The following L3MBTL4 variants were observed in gnomAD, a reference collection of about 807,000 sequenced individuals.
L3MBTL4 encodes lethal(3)malignant brain tumor-like protein 4.
In L3MBTL4, 70 loss-of-function variants were observed where a neutral mutation model predicts 84.5. The ratio of observed to expected loss-of-function variants is 0.83; its 90% CI spans 0.68 to 1.01. The LOEUF (loss-of-function observed/expected upper bound fraction) is 1.01, where lower values mean the gene tolerates loss of function less well. L3MBTL4 is among the 50% of genes least tolerant of loss of function. The pLI is 0.00. For synonymous variants in L3MBTL4, 274 were observed against 259.8 expected (o/e 1.05, Z -0.52); for missense variants, 715 against 754.8 (o/e 0.95, Z 0.62).
At chr18:6,077,092 C>T (rs2057878656) in intron 16 of L3MBTL4, among the ~76,000 whole-genome samples, 1 of 152,198 alleles carries the variant, frequency 6.6e-6, no homozygotes, top group Non-Finnish European at 1.5e-5. Context: ...ACTCAAAAGG[C>T]ACAGAGGCCC....
intron 5 of L3MBTL4, among the ~76,000 whole-genome samples, chr18:6,246,477 A>T (rs76608239): frequency 6.6e-6 from 1 of 152,216 alleles, no homozygotes; most frequent in Non-Finnish European, 1.5e-5. Flanking sequence ...AAATAATCAT[A>T]TACTAATGGA....
At chr18:6,251,312 G>A (rs903643258) in intron 5 of L3MBTL4, among the ~76,000 whole-genome samples, 2 of 152,292 alleles carry the variant, frequency 1.3e-5, no homozygotes, top group South Asian at 2.1e-4. Context: ...GCGAGAAACC[G>A]CCAAACACTT....
chr18:6,294,895 C>A (rs2050023609), intron 4 of L3MBTL4, among the ~76,000 whole-genome samples: 2 of 152,092 alleles, frequency 1.3e-5, no homozygotes, highest in Admixed American at 6.6e-5. Context: ...ACAGGAAGTT[C>A]TTTAATAAGG....
At chr18:5,980,976 T>C (rs1484723891) in intron 16 of L3MBTL4, among the ~76,000 whole-genome samples, 1 of 152,218 alleles carries the variant, frequency 6.6e-6, no homozygotes, top group African/African-American at 2.4e-5. Context: ...GCTGTGCTGC[T>C]TGGGGAAGCA....
At chr18:6,081,118 A>G (rs1011864822) in intron 15 of L3MBTL4, 167 bp from the exon 16 acceptor site, 3 of 492,410 alleles carry the variant, frequency 6.1e-6, no homozygotes, top group African/African-American at 6.0e-5. Flanking sequence ...GATTTTAAAA[A>G]CACACTTCTG....
At position 6,393,353 on chromosome 18, in the gene L3MBTL4, A is replaced by G. The variant is rs553107511; in HGVS notation, c.-91+21448T>C. Among the ~76,000 whole-genome samples, 20 of 152,284 alleles carry G rather than the reference A, an allele frequency of 1.3e-4. 1 individual carries two copies. The highest frequency in any genetic ancestry group is 4.8e-4 in the African/African-American group (20 of 41,558). On this transcript the variant is annotated intron_variant, in intron 1 of 18. Coordinates refer to ENST00000317931, the MANE Select transcript of L3MBTL4 (RefSeq NM_001330559.2). Reference sequence around the variant, plus strand: ...ACTCCTGCTGAGTCCAGGCTCCTGGATTGTGTTCTATGCCACCTAATTCTC... The same window carrying G: ...ACTCCTGCTGAGTCCAGGCTCCTGGGTTGTGTTCTATGCCACCTAATTCTC...
At chr18:6,353,430 A>G (rs117250965) in intron 1 of L3MBTL4, among the ~76,000 whole-genome samples, 1,679 of 152,340 alleles carry the variant, frequency 0.011, 14 homozygotes, top group Middle Eastern at 0.024. Flanking sequence ...GTAATTAAAT[A>G]AAAATATCAG....
At chr18:6,151,879 T>A (rs2042912596) in intron 13 of L3MBTL4, among the ~76,000 whole-genome samples, 1 of 152,204 alleles carries the variant, frequency 6.6e-6, no homozygotes. Context: ...TTGGCCAACA[T>A]TTCTCCATTT....
chr18:5,960,039 C>T lies in L3MBTL4; in HGVS notation c.1677+55G>A, dbSNP rs8087224. ...ATATATATATACATATATATATATA[C>T]ACACACATATATATATATATACATA... On this transcript the variant is annotated intron_variant, in intron 18 of 18. Transcript: ENST00000317931. 2.6e-3 allele frequency: 800 copies of T among 302,500 alleles called. 11 individuals are homozygous for T. Among genetic ancestry groups the T allele is most frequent in the African/African-American group, 0.013 (380 of 29,490 alleles). 18.7% of individuals were successfully genotyped at this position (302,500 alleles called of 1,614,324 possible).
At chr18:5,961,023 G>A (rs7235653) in intron 17 of L3MBTL4, among the ~76,000 whole-genome samples, 56,354 of 152,144 alleles carry the variant, frequency 0.37, 10,744 homozygotes, top group East Asian at 0.51. Context: ...GTCGCAGCAG[G>A]GGATGAAAGG....
chr18:6,226,875 G>T (rs2046805693), intron 10 of L3MBTL4, among the ~76,000 whole-genome samples: 1 of 151,902 alleles, frequency 6.6e-6, no homozygotes, highest in Admixed American at 6.6e-5. Context: ...ACCAAGATGA[G>T]GGATTTAAAT....
intron 4 of L3MBTL4, among the ~76,000 whole-genome samples, chr18:6,289,387 G>A (rs2049742732): frequency 6.6e-6 from 1 of 152,046 alleles, no homozygotes; most frequent in South Asian, 2.1e-4. Flanking sequence ...ATTACAACAG[G>A]TTTTGATTTT....
chr18:6,247,704 A>G (rs1294601301), intron 5 of L3MBTL4, among the ~76,000 whole-genome samples: 1 of 141,970 alleles, frequency 7.0e-6, no homozygotes, highest in Non-Finnish European at 1.5e-5. Context: ...CATGTTGGCC[A>G]GGCTAGTCTA....
At chr18:6,377,250 G>A (rs1312380077) in intron 1 of L3MBTL4, among the ~76,000 whole-genome samples, 1 of 152,066 alleles carries the variant, frequency 6.6e-6, no homozygotes, top group Non-Finnish European at 1.5e-5. Flanking sequence ...AATAGGTATA[G>A]GTGAAGAAAT....
intron 16 of L3MBTL4, among the ~76,000 whole-genome samples, chr18:5,985,728 A>G (rs1048725985): frequency 2.0e-5 from 3 of 152,164 alleles, no homozygotes; most frequent in African/African-American, 7.2e-5. Context: ...CCTACCTGGG[A>G]GTAAGGGCAA....
At chr18:6,198,789 CACATGTAAT>C (rs1254314003) in intron 12 of L3MBTL4, among the ~76,000 whole-genome samples, 2 of 152,142 alleles carry the variant, frequency 1.3e-5, no homozygotes, top group East Asian at 3.9e-4. Context: ...ATAGGCTGGT[CACATGTAAT>C]ACTAGAGAAT....
intron 14 of L3MBTL4, among the ~76,000 whole-genome samples, chr18:6,131,642 TA>T (rs1243354172): frequency 6.6e-6 from 1 of 152,200 alleles, no homozygotes; most frequent in African/African-American, 2.4e-5. Context: ...AGCAAAGATT[TA>T]AAAATTTTAT....
chr18:6,172,574 C>T (rs998564591), intron 12 of L3MBTL4, among the ~76,000 whole-genome samples: 1 of 152,076 alleles, frequency 6.6e-6, no homozygotes, highest in Admixed American at 6.6e-5. Context: ...TCCCCAGGTC[C>T]AGCCATCCTA....
At chr18:6,228,436 T>C (rs891510693) in intron 10 of L3MBTL4, among the ~76,000 whole-genome samples, 1 of 152,130 alleles carries the variant, frequency 6.6e-6, no homozygotes. Context: ...TGAACAATAT[T>C]GTTCAGAAAA....
Sources: gnomAD v4.1 joint callset for allele counts (sites outside exome capture counted in the v4.1 genomes callset) on GRCh38, gnomAD v4.1.1 for gene constraint, MANE v1.5 for transcripts, NCBI Gene and HGNC (gene_info 2026-07-23, HGNC 2026-07-21) for gene names.